Variants in FRMD4B observed in about 807,000 individuals in gnomAD.
FRMD4B encodes the protein FERM domain containing 4B.
Under a neutral mutation model 141.5 loss-of-function variants are expected in FRMD4B, and 74 were observed. The ratio of observed to expected loss-of-function variants is 0.52; its 90% confidence interval spans 0.43 to 0.63. The LOEUF is 0.63. Ranked by LOEUF, FRMD4B falls within the 30% of genes least tolerant of loss-of-function variation. The probability of loss-of-function intolerance (pLI) is 0.00; values close to 1 mark genes in which losing one functional copy is unlikely to be tolerated. For synonymous variants in FRMD4B, 506 were observed against 467.9 expected (o/e 1.08, Z -1.05); for missense variants, 1,366 against 1,253.4 (o/e 1.09, Z -1.36).
intron 7 of FRMD4B, among the ~76,000 whole-genome samples, chr3:69,231,869 C>A (rs1017502848): frequency 6.6e-6 from 1 of 152,150 alleles, no homozygotes; most frequent in African/African-American, 2.4e-5. Context: ...TAGGATCAAA[C>A]GGGATTTCAC....
intron 2 of FRMD4B, among the ~76,000 whole-genome samples, chr3:69,399,441 C>A (rs1013789395): frequency 2.0e-5 from 3 of 152,228 alleles, no homozygotes; most frequent in Non-Finnish European, 4.4e-5. Context: ...TATATTCATT[C>A]TATCTGCGGT....
intron 2 of FRMD4B, among the ~76,000 whole-genome samples, chr3:69,407,950 G>T (rs1704677336): frequency 1.3e-5 from 2 of 152,158 alleles, no homozygotes; most frequent in Non-Finnish European, 1.5e-5. Flanking sequence ...GGGGGTCACG[G>T]AAAAGCGTCT....
At chr3:69,518,849 G>T (rs1700807436) in intron 1 of FRMD4B, among the ~76,000 whole-genome samples, 1 of 152,180 alleles carries the variant, frequency 6.6e-6, no homozygotes, top group African/African-American at 2.4e-5. Context: ...TCCTGATAAG[G>T]TTCTGGTTCC....
intron 5 of FRMD4B, among the ~76,000 whole-genome samples, chr3:69,269,519 T>A (rs1380686992): frequency 6.6e-6 from 1 of 152,184 alleles, no homozygotes; most frequent in East Asian, 1.9e-4. Context: ...TGATACCCGC[T>A]TCCCCCATGT....
intron 18 of FRMD4B, among the ~76,000 whole-genome samples, chr3:69,189,296 G>C (rs759239153): frequency 2.0e-5 from 3 of 148,442 alleles, no homozygotes; most frequent in African/African-American, 7.4e-5. Flanking sequence ...CATTACAATC[G>C]ATACAGCCTG....
intron 5 of FRMD4B, among the ~76,000 whole-genome samples, chr3:69,280,628 T>C (rs778006156): frequency 2.0e-5 from 3 of 152,184 alleles, no homozygotes; most frequent in Admixed American, 6.5e-5. Flanking sequence ...AGACACGTGA[T>C]GCCAGAGTCC....
chr3:69,519,623 C>T (rs1365429689), intron 1 of FRMD4B, among the ~76,000 whole-genome samples: 1 of 152,078 alleles, frequency 6.6e-6, no homozygotes, highest in Non-Finnish European at 1.5e-5. Flanking sequence ...AGAATCAAAA[C>T]CCCACATTTT....
At chr3:69,326,998 C>G (rs1458427538) in intron 1 of FRMD4B, among the ~76,000 whole-genome samples, 1 of 152,004 alleles carries the variant, frequency 6.6e-6, no homozygotes, top group Non-Finnish European at 1.5e-5. Flanking sequence ...GGCACAGATA[C>G]TGTAAACAGG....
At chr3:69,293,671 A>G (rs1575700613) in intron 4 of FRMD4B, among the ~76,000 whole-genome samples, 2 of 152,174 alleles carry the variant, frequency 1.3e-5, no homozygotes, top group East Asian at 3.9e-4. Flanking sequence ...ACTTGAGGCC[A>G]GGAGTTCGAG....
chr3:69,496,637 A>AGAGAG (rs1706399949), intron 1 of FRMD4B, among the ~76,000 whole-genome samples: 1 of 56,472 alleles, frequency 1.8e-5, no homozygotes, highest in East Asian at 4.6e-4. Context: ...GAGAGAGAGA[A>AGAGAG]AGAGAGAGAG....
intron 7 of FRMD4B, among the ~76,000 whole-genome samples, chr3:69,241,202 T>C (rs369776046): frequency 2.6e-5 from 4 of 152,290 alleles, no homozygotes; most frequent in East Asian, 1.9e-4. Context: ...TTTTAAGCTG[T>C]GAAATGCAAG....
chr3:69,456,507 G>A (rs1361886089), intron 1 of FRMD4B, among the ~76,000 whole-genome samples: 1 of 152,066 alleles, frequency 6.6e-6, no homozygotes, highest in Non-Finnish European at 1.5e-5. Flanking sequence ...GGTTGCAAAA[G>A]TTATGCTACA....
Position 69,200,202 on chromosome 3 carries a change from T to C in FRMD4B, c.877-1428A>G, listed in dbSNP as rs561940738. Reference sequence around the variant, plus strand: ...AATGAGCTGAAGGTTTCTATACGTATGCAGGCATGGGAAAAAAGGGTTCAG... The same window carrying C: ...AATGAGCTGAAGGTTTCTATACGTACGCAGGCATGGGAAAAAAGGGTTCAG... On this transcript the variant is annotated intron_variant, in intron 11 of 22. Coordinates refer to ENST00000398540, the MANE Select transcript of FRMD4B (RefSeq NM_015123.3). Among the ~76,000 whole-genome samples, 8 of 152,216 alleles carry C rather than the reference T, an allele frequency of 5.3e-5. No homozygotes were observed. The East Asian group carries it at 1.2e-3, about 22-fold the overall frequency.
chr3:69,334,945 C>G (rs1188125083), intron 1 of FRMD4B, among the ~76,000 whole-genome samples: 1 of 152,094 alleles, frequency 6.6e-6, no homozygotes, highest in East Asian at 1.9e-4. Context: ...TGTTAAGTAC[C>G]ATGAAAATGA....
chr3:69,277,848 T>C (rs541059413), intron 5 of FRMD4B, among the ~76,000 whole-genome samples: 25 of 75,484 alleles, frequency 3.3e-4, no homozygotes, highest in Admixed American at 3.0e-3. Flanking sequence ...GCATTTTCTT[T>C]TTCTTTCTTT....
At chr3:69,443,428 G>C (rs187801580) in intron 1 of FRMD4B, among the ~76,000 whole-genome samples, 1 of 152,226 alleles carries the variant, frequency 6.6e-6, no homozygotes, top group Admixed American at 6.5e-5. Flanking sequence ...TAATGAACTG[G>C]TAAGTGAAGT....
At chr3:69,222,926 G>C (rs36022055) in intron 8 of FRMD4B, among the ~76,000 whole-genome samples, 17,311 of 152,176 alleles carry the variant, frequency 0.11, 1,122 homozygotes, top group African/African-American at 0.17. Context: ...TTGAGCCTAA[G>C]GCCTATCCTC....
intron 18 of FRMD4B, among the ~76,000 whole-genome samples, chr3:69,189,304 C>G (rs535919351): frequency 1.3e-5 from 2 of 151,602 alleles, no homozygotes; most frequent in African/African-American, 4.8e-5. Flanking sequence ...TCGATACAGC[C>G]TGCCTCTATG....
At chr3:69,393,675 A>T (rs149287750) in intron 2 of FRMD4B, among the ~76,000 whole-genome samples, 284 of 152,306 alleles carry the variant, frequency 1.9e-3, no homozygotes, top group Non-Finnish European at 2.9e-3. Context: ...TTTTTTCTAT[A>T]CTTATTAAGT....
Sources: allele counts gnomAD v4.1 joint callset (sites outside exome capture counted in the v4.1 genomes callset), GRCh38; gene constraint gnomAD v4.1.1; transcripts MANE v1.5; gene names NCBI Gene and HGNC (gene_info 2026-07-23, HGNC 2026-07-21).